The following LRP6 variants were observed in gnomAD, a reference collection of about 807,000 sequenced individuals.
LRP6 encodes the protein LDL receptor related protein 6.
A neutral mutation model predicts 184.1 loss-of-function variants in LRP6; 43 were observed. The observed-to-expected ratio is 0.23, with a 90% CI of 0.18 to 0.30. The LOEUF is 0.30. Ranked by LOEUF, LRP6 falls within the 10% of genes least tolerant of loss-of-function variation. The pLI is 1.00. For synonymous variants in LRP6, 719 were observed against 684.9 expected (o/e 1.05, Z -0.78); for missense variants, 1,571 against 2,005.3 (o/e 0.78, Z 4.14).
chr12:12,251,792 CTTAA>C (rs1300457877), intron 1 of LRP6, among the ~76,000 whole-genome samples: 1 of 152,168 alleles, frequency 6.6e-6, no homozygotes, highest in African/African-American at 2.4e-5. Context: ...TTATCATGTC[CTTAA>C]TTACTTAAAA....
intron 2 of LRP6, among the ~76,000 whole-genome samples, chr12:12,210,093 A>G (rs1333000938): frequency 6.6e-6 from 1 of 152,218 alleles, no homozygotes; most frequent in Non-Finnish European, 1.5e-5. Context: ...TACATTGACA[A>G]TGAAAGAAAT....
chr12:12,169,073 A>G (rs1030789438), intron 7 of LRP6, among the ~76,000 whole-genome samples: 13 of 152,078 alleles, frequency 8.5e-5, no homozygotes, highest in Admixed American at 3.3e-4. Context: ...TACTAAAAAT[A>G]GAAAAATTAG....
chr12:12,231,754 C>A (rs1047865219), intron 2 of LRP6, among the ~76,000 whole-genome samples: 1 of 151,634 alleles, frequency 6.6e-6, no homozygotes, highest in African/African-American at 2.4e-5. Context: ...GTGGCTCATG[C>A]CTGTAAGCCC....
At chr12:12,235,657 G>C (rs902573128) in intron 2 of LRP6, among the ~76,000 whole-genome samples, 1 of 151,918 alleles carries the variant, frequency 6.6e-6, no homozygotes, top group African/African-American at 2.4e-5. Context: ...TTGAACCCGG[G>C]AGGTGGAGGT....
intron 3 of LRP6, among the ~76,000 whole-genome samples, chr12:12,190,149 T>G (rs1242147730): frequency 6.6e-6 from 1 of 152,228 alleles, no homozygotes; most frequent in Non-Finnish European, 1.5e-5. Context: ...ATATAATGAT[T>G]TGTCCAGCCA....
intron 20 of LRP6, 50 bp downstream of exon 20, chr12:12,126,641 A>G (rs1435430524): frequency 7.2e-7 from 1 of 1,382,290 alleles, no homozygotes; most frequent in South Asian, 1.2e-5. Flanking sequence ...GGAAACTGGC[A>G]GTCTTGCAGG....
At chr12:12,121,787 TTTTACAC>T (rs1949610758) in intron 22 of LRP6, among the ~76,000 whole-genome samples, 1 of 152,208 alleles carries the variant, frequency 6.6e-6, no homozygotes, top group Non-Finnish European at 1.5e-5. Flanking sequence ...TTTTTACATA[TTTTACAC>T]TACTCAAACA....
chr12:12,232,300 CGA>C (rs1473221366), intron 2 of LRP6, among the ~76,000 whole-genome samples: 2 of 150,916 alleles, frequency 1.3e-5, no homozygotes, highest in African/African-American at 4.9e-5. Flanking sequence ...AGAAGAGTGT[CGA>C]GAACCCAGGA....
intron 2 of LRP6, chr12:12,211,121 C>T (rs1282522137): frequency 3.9e-5 from 6 of 152,152 alleles, no homozygotes; most frequent in African/African-American, 1.4e-4. Context: ...GTTGTTTTTA[C>T]AGAGAATATA....
chr12:12,214,596 A>G (rs1023083825), intron 2 of LRP6, among the ~76,000 whole-genome samples: 1 of 152,242 alleles, frequency 6.6e-6, no homozygotes, highest in African/African-American at 2.4e-5. Context: ...GCTAAGACTA[A>G]TCTTTTGGTT....
intron 8 of LRP6, among the ~76,000 whole-genome samples, chr12:12,164,807 C>T (rs1272229696): frequency 1.3e-5 from 2 of 151,088 alleles, no homozygotes; most frequent in African/African-American, 4.9e-5. Flanking sequence ...ATTATTCATA[C>T]TATCAGACTG....
rs149606326 is a variant in LRP6 at position 12,253,442 on chromosome 12, T to C, written c.56-8787A>G. Among the ~76,000 whole-genome samples, 1,226 of 152,242 alleles carry C rather than the reference T, an allele frequency of 8.1e-3. 16 individuals carry two copies. The highest frequency in any genetic ancestry group is 0.028 in the African/African-American group (1,166 of 41,544). On this transcript the variant is annotated intron_variant, in intron 1 of 22. Transcript: ENST00000261349. ...CTTTTTTTCTTTTTTTTTATTATTATACTTTAAGTTCTAGGGTACATGTGC... is the reference window on the plus strand; with the variant it reads ...CTTTTTTTCTTTTTTTTTATTATTACACTTTAAGTTCTAGGGTACATGTGC...
At chr12:12,162,164 G>A (rs768380819) in intron 10 of LRP6, 29 bp downstream of exon 10, 2 of 1,560,462 alleles carry the variant, frequency 1.3e-6, no homozygotes, top group South Asian at 2.2e-5. Flanking sequence ...CACTGCAGTT[G>A]CAAAGAATGC....
intron 1 of LRP6, among the ~76,000 whole-genome samples, chr12:12,251,057 C>T (rs1312133019): frequency 1.3e-5 from 2 of 151,320 alleles, no homozygotes; most frequent in Non-Finnish European, 1.5e-5. Context: ...CAGCCTCCCT[C>T]GTAGGTGGGA....
In LRP6 at chr12:12,135,618, C is replaced by T. The variant is rs369268897; in HGVS notation, c.3608-318G>A. 2.0e-5 allele frequency among the ~76,000 whole-genome samples: 3 copies of T among 151,336 alleles called. No individual in the cohort carries two copies. The East Asian group carries it at 5.8e-4, about 29-fold the overall frequency. ...AAGTGCTTCTCCTGCCTCAGCCTCC[C>T]GAGTAGCTGGGATTGCAGGTGACTG... On this transcript the variant is annotated intron_variant, in intron 16 of 22. Transcript: ENST00000261349.
At chr12:12,216,670 AG>A (rs1251575328) in intron 2 of LRP6, among the ~76,000 whole-genome samples, 29 of 151,050 alleles carry the variant, frequency 1.9e-4, no homozygotes, top group African/African-American at 5.6e-4. Flanking sequence ...AAAAAAAAAA[AG>A]AAAAGAAAAG....
At chr12:12,216,219 T>A (rs1023672225) in intron 2 of LRP6, among the ~76,000 whole-genome samples, 5 of 152,146 alleles carry the variant, frequency 3.3e-5, no homozygotes, top group Non-Finnish European at 7.4e-5. Context: ...ACAGAAAGAT[T>A]TGGAGACCCC....
In LRP6 at chr12:12,151,050, G is replaced by A. The variant is rs760734624; in HGVS notation, c.2792-12C>T. ...GAAAGTCGTAGGAGCTTAAAAGGAA[G>A]AAAAGAGAAAATCTGAAATCTAGTT... On this transcript the variant is annotated splice_polypyrimidine_tract_variant and intron_variant, in intron 12 of 22. Transcript: ENST00000261349. 2 of 1,608,064 alleles carry A rather than the reference G, an allele frequency of 1.2e-6. No individual in the cohort carries two copies. The highest frequency in any genetic ancestry group is 2.2e-5 in the East Asian group (1 of 44,798).
At chr12:12,134,504 T>C (rs987756080) in intron 17 of LRP6, among the ~76,000 whole-genome samples, 15 of 152,218 alleles carry the variant, frequency 9.9e-5, no homozygotes, top group Non-Finnish European at 2.1e-4. Flanking sequence ...ATCTATTTGT[T>C]AAACCTGCTA....
Sources: allele counts gnomAD v4.1 joint callset (sites outside exome capture counted in the v4.1 genomes callset), GRCh38; gene constraint gnomAD v4.1.1; transcripts MANE v1.5; gene names NCBI Gene and HGNC (gene_info 2026-07-23, HGNC 2026-07-21).